Variants in ABCC4 observed in about 807,000 individuals in gnomAD.
The protein encoded by ABCC4 is ATP-binding cassette sub-family C member 4.
A neutral mutation model predicts 168.5 loss-of-function variants in ABCC4; 102 were observed. The ratio of observed to expected loss-of-function variants is 0.61; its 90% CI spans 0.52 to 0.71. ABCC4 has a LOEUF of 0.71. ABCC4 is among the 30% of genes least tolerant of loss of function. ABCC4 has a pLI of 0.00. For missense variants in ABCC4, 1,402 were observed against 1,605.8 expected, an observed-to-expected ratio of 0.87 and a Z score of 2.17; for synonymous variants, 617 against 590.7, an observed-to-expected ratio of 1.04 and a Z score of -0.65.
chr13:95,129,027 T>C (rs887553398), intron 19 of ABCC4, among the ~76,000 whole-genome samples: 2 of 152,208 alleles, frequency 1.3e-5, no homozygotes, highest in African/African-American at 2.4e-5. Flanking sequence ...GTTTCACTAA[T>C]GCTGTCATTT....
intron 20 of ABCC4, among the ~76,000 whole-genome samples, chr13:95,086,572 T>C (rs1277556955): frequency 1.3e-5 from 2 of 152,254 alleles, no homozygotes; most frequent in Non-Finnish European, 2.9e-5. Flanking sequence ...CAAACTGCTT[T>C]GAGTCCTGGA....
chr13:95,184,740 A>G (rs1027509084), intron 11 of ABCC4, among the ~76,000 whole-genome samples: 2 of 152,234 alleles, frequency 1.3e-5, no homozygotes, highest in Non-Finnish European at 2.9e-5. Context: ...AAAAGAGCTG[A>G]AAGACAAGGC....
chr13:95,073,366 C>G, intron 23 of ABCC4, 62 bp from the exon 24 acceptor site: 1 of 1,215,104 alleles, frequency 8.2e-7, no homozygotes, highest in Non-Finnish European at 1.2e-6. Flanking sequence ...CTGGCTCCTT[C>G]TGCCACTTAC....
chr13:95,074,348 C>T, intron 22 of ABCC4, 24 bp from the exon 23 acceptor site: 1 of 1,561,810 alleles, frequency 6.4e-7, no homozygotes, highest in African/African-American at 1.4e-5. Context: ...CGGTAATAAG[C>T]ATGATGAATA....
intron 10 of ABCC4, 43 bp downstream of exon 10, chr13:95,188,410 T>C (rs746370480): frequency 1.3e-6 from 2 of 1,567,604 alleles, no homozygotes; most frequent in Admixed American, 3.3e-5. Flanking sequence ...GTTAATATGA[T>C]AAGTGGGGTT....
chr13:95,105,193 A>T (rs573795401), intron 20 of ABCC4, among the ~76,000 whole-genome samples: 1 of 151,944 alleles, frequency 6.6e-6, no homozygotes, highest in South Asian at 2.1e-4. Context: ...CACATTTCAC[A>T]ATGTTCACAG....
intron 29 of ABCC4, among the ~76,000 whole-genome samples, chr13:95,039,728 T>C (rs1012212970): frequency 6.6e-6 from 1 of 152,200 alleles, no homozygotes; most frequent in African/African-American, 2.4e-5. Flanking sequence ...GTAGCTGTCC[T>C]AGATATAAAA....
chr13:95,171,413 C>T (rs931069434), intron 13 of ABCC4, among the ~76,000 whole-genome samples: 6 of 151,158 alleles, frequency 4.0e-5, no homozygotes, highest in Non-Finnish European at 2.9e-5. Flanking sequence ...AAAAATTAGC[C>T]GGGTGTGGTG....
intron 1 of ABCC4, among the ~76,000 whole-genome samples, chr13:95,282,136 T>TA (rs34577420): frequency 0.082 from 11,484 of 139,706 alleles, 566 homozygotes; most frequent in South Asian, 0.14. Context: ...GACTCCATCT[T>TA]AAAAAAAAAA....
chr13:95,296,135 A>AACAC (rs753316849), intron 1 of ABCC4, among the ~76,000 whole-genome samples: 228 of 98,954 alleles, frequency 2.3e-3, no homozygotes, highest in African/African-American at 8.6e-3. Context: ...CCTGTCTCAA[A>AACAC]ACACACACAC....
chr13:95,188,638 G>A, intron 9 of ABCC4, 96 bp from the exon 10 acceptor site: 3 of 920,794 alleles, frequency 3.3e-6, no homozygotes, highest in Non-Finnish European at 1.7e-6. Context: ...ATTGATACAT[G>A]AACATAACCC....
At chr13:95,034,773 C>A in intron 29 of ABCC4, 34 bp from the exon 30 acceptor site, 1 of 1,613,208 alleles carries the variant, frequency 6.2e-7, no homozygotes, top group Non-Finnish European at 8.5e-7. Flanking sequence ...CATTGAAACA[C>A]AATGTTTTGC....
At chr13:95,162,654 A>G (rs2037136074) in intron 18 of ABCC4, among the ~76,000 whole-genome samples, 1 of 152,198 alleles carries the variant, frequency 6.6e-6, no homozygotes, top group Admixed American at 6.5e-5. Context: ...GGAGCTTTGC[A>G]TACCTGGGAG....
chr13:95,031,483 C>T (rs1182184820), intron 30 of ABCC4, among the ~76,000 whole-genome samples: 2 of 152,148 alleles, frequency 1.3e-5, no homozygotes, highest in East Asian at 1.9e-4. Context: ...GACACATGAC[C>T]CAACATCCTC....
At chr13:95,180,326 G>C (rs1183088055) in intron 11 of ABCC4, among the ~76,000 whole-genome samples, 1 of 152,092 alleles carries the variant, frequency 6.6e-6, no homozygotes, top group South Asian at 2.1e-4. Flanking sequence ...GGCCGACACG[G>C]GTGGATCACC....
chr13:95,264,840 A>G (rs2040625011), intron 1 of ABCC4, among the ~76,000 whole-genome samples: 1 of 150,356 alleles, frequency 6.7e-6, no homozygotes, highest in Non-Finnish European at 1.5e-5. Flanking sequence ...ATTTAGGTAT[A>G]AGGGGCCTCA....
At chr13:95,269,435 ATATATATATAT>A (rs1566586354) in intron 1 of ABCC4, 40 of 122,734 alleles carry the variant, frequency 3.3e-4, no homozygotes, top group South Asian at 8.7e-4. Flanking sequence ...CAAAAAAAAA[ATATATATATAT>A]ATATATATAT....
chr13:95,262,434 T>C (rs1266611546), intron 1 of ABCC4, among the ~76,000 whole-genome samples: 4 of 152,228 alleles, frequency 2.6e-5, no homozygotes, highest in Non-Finnish European at 5.9e-5. Context: ...TAAATAAAGA[T>C]AGAGAAATCA....
chr13:95,235,192 C>T (rs1475692570), intron 3 of ABCC4, among the ~76,000 whole-genome samples: 1 of 152,080 alleles, frequency 6.6e-6, no homozygotes, highest in Non-Finnish European at 1.5e-5. Context: ...CACCTAGGCT[C>T]GTTTTTTCTT....
Sources: gnomAD v4.1 joint callset for allele counts (sites outside exome capture counted in the v4.1 genomes callset) on GRCh38, gnomAD v4.1.1 for gene constraint, MANE v1.5 for transcripts, NCBI Gene and HGNC (gene_info 2026-07-23, HGNC 2026-07-21) for gene names.